Variants in NEK1 observed in about 807,000 individuals in gnomAD.
NEK1 encodes the protein serine/threonine-protein kinase Nek1.
A neutral mutation model predicts 182.1 loss-of-function variants in NEK1; 137 were observed. The ratio of observed to expected loss-of-function variants is 0.75; its 90% confidence interval spans 0.65 to 0.87. NEK1 has a LOEUF of 0.87. Ranked by LOEUF, NEK1 falls within the 40% of genes least tolerant of loss-of-function variation. The pLI, the probability that NEK1 is intolerant of heterozygous loss-of-function variation, is 0.00. For synonymous variants in NEK1, 513 were observed against 492.2 expected (o/e 1.04, Z -0.56); for missense variants, 1,391 against 1,494.4 (o/e 0.93, Z 1.14).
At chr4:169,568,717 T>G (rs191747612) in intron 12 of NEK1, among the ~76,000 whole-genome samples, 1 of 151,988 alleles carries the variant, frequency 6.6e-6, no homozygotes, top group Non-Finnish European at 1.5e-5. Flanking sequence ...GGTGGATCAC[T>G]TGAGGTCAGG....
At chr4:169,465,791 T>C (rs1190644232) in intron 26 of NEK1, among the ~76,000 whole-genome samples, 1 of 152,106 alleles carries the variant, frequency 6.6e-6, no homozygotes. Flanking sequence ...TAATATAGAT[T>C]GCTGCTTTGT....
intron 27 of NEK1, among the ~76,000 whole-genome samples, chr4:169,457,638 G>C (rs1743144347): frequency 7.0e-6 from 1 of 142,302 alleles, no homozygotes; most frequent in Non-Finnish European, 1.5e-5. Context: ...AAGGGAGAAA[G>C]AGAGAAAGTG....
intron 27 of NEK1, among the ~76,000 whole-genome samples, chr4:169,450,483 G>A (rs976889830): frequency 6.6e-6 from 1 of 152,122 alleles, no homozygotes; most frequent in Non-Finnish European, 1.5e-5. Flanking sequence ...CAGATCTCTC[G>A]GCAGAAATCC....
chr4:169,554,417 C>CAAA, intron 18 of NEK1: 1 of 67,396 alleles, frequency 1.5e-5, no homozygotes, highest in East Asian at 4.1e-4. Context: ...GAACCTGTCT[C>CAAA]AAAAAAAAAA....
chr4:169,449,908 A>G (rs1741366791), intron 27 of NEK1, among the ~76,000 whole-genome samples: 1 of 152,218 alleles, frequency 6.6e-6, no homozygotes, highest in Non-Finnish European at 1.5e-5. Context: ...TTGAACTCAT[A>G]GCAAGGAAGC....
chr4:169,596,117 C>T (rs1270731517), intron 5 of NEK1, among the ~76,000 whole-genome samples: 1 of 151,968 alleles, frequency 6.6e-6, no homozygotes, highest in Non-Finnish European at 1.5e-5. Flanking sequence ...ATAGGTACTA[C>T]AGGTGAAATT....
Position 169,577,042 on chromosome 4 carries a change from A to G in NEK1, c.906T>C (p.Val302=). Residue 302 remains valine, a synonymous_variant, in exon 12 of 36, where the codon GTT becomes GTC. Coordinates refer to ENST00000507142, the MANE Select transcript of NEK1 (RefSeq NM_001199397.3). ...GCTTTGTAATTTTCTGAGCAGGCAT[A>G]ACAGAAATCGAGTTTTGTCCTGAAG... is the stretch of plus-strand genomic sequence containing the variant. ...RPASGQNSIS[V]MPAQKITKPA... is the part of the protein sequence containing the mutation. 1 of 1,613,718 alleles carries G rather than the reference A, an allele frequency of 6.2e-7. No homozygotes were observed.
At chr4:169,551,409 TGAA>T (rs1185773081) in intron 18 of NEK1, among the ~76,000 whole-genome samples, 1 of 151,970 alleles carries the variant, frequency 6.6e-6, no homozygotes, top group Non-Finnish European at 1.5e-5. Context: ...TAATAAAAAA[TGAA>T]GAATAAAATG....
chr4:169,498,000 TG>T (rs1187965231), intron 23 of NEK1, among the ~76,000 whole-genome samples: 4 of 152,230 alleles, frequency 2.6e-5, no homozygotes, highest in Admixed American at 6.5e-5. Flanking sequence ...ACGTTGACAA[TG>T]GGGTGTTAAA....
chr4:169,570,007 G>A (rs1764434810), intron 12 of NEK1, among the ~76,000 whole-genome samples: 1 of 151,274 alleles, frequency 6.6e-6, no homozygotes, highest in African/African-American at 2.4e-5. Flanking sequence ...GGAAAGTGAG[G>A]AGCGGCTCTG....
chr4:169,602,858 C>CA (rs1395226054), intron 2 of NEK1, among the ~76,000 whole-genome samples, 180 bp from the exon 3 acceptor site: 2 of 151,678 alleles, frequency 1.3e-5, no homozygotes, highest in Non-Finnish European at 2.9e-5. Flanking sequence ...TAATTACATC[C>CA]AAAAAAGAGA....
chr4:169,492,244 C>A (rs1280724273), intron 23 of NEK1, among the ~76,000 whole-genome samples: 2 of 152,188 alleles, frequency 1.3e-5, no homozygotes, highest in Non-Finnish European at 2.9e-5. Context: ...TGACTACGGA[C>A]ATCTCATGCC....
chr4:169,572,613 G>C (rs751112585), intron 12 of NEK1, among the ~76,000 whole-genome samples: 11 of 152,150 alleles, frequency 7.2e-5, no homozygotes, highest in Non-Finnish European at 1.6e-4. Context: ...TGAGGCCTGA[G>C]ACCTTGAGCA....
chr4:169,439,383 A>G (rs951658742), intron 27 of NEK1, among the ~76,000 whole-genome samples: 2 of 152,242 alleles, frequency 1.3e-5, no homozygotes, highest in Non-Finnish European at 2.9e-5. Context: ...TCAAGTATTT[A>G]TAAGTTGTTT....
At chr4:169,577,550 G>C (rs1025563173) in intron 11 of NEK1, among the ~76,000 whole-genome samples, 1 of 151,916 alleles carries the variant, frequency 6.6e-6, no homozygotes, top group Non-Finnish European at 1.5e-5. Flanking sequence ...GGTGGATCAC[G>C]AGGTCAGGAG....
chr4:169,470,994 T>C (rs1349948243), intron 26 of NEK1, among the ~76,000 whole-genome samples: 1 of 152,216 alleles, frequency 6.6e-6, no homozygotes, highest in Non-Finnish European at 1.5e-5. Context: ...GTTGTTCTCA[T>C]AACTGGTTAT....
intron 18 of NEK1, among the ~76,000 whole-genome samples, chr4:169,545,478 C>CTT: frequency 6.7e-6 from 1 of 149,722 alleles, no homozygotes; most frequent in Non-Finnish European, 1.5e-5. Context: ...GGTTCCAAGT[C>CTT]TTTGCTATTG....
intron 19 of NEK1, among the ~76,000 whole-genome samples, chr4:169,522,742 G>A (rs977109612): frequency 2.4e-4 from 37 of 152,220 alleles, no homozygotes; most frequent in African/African-American, 7.5e-4. Flanking sequence ...GGGATAGCCT[G>A]AGGCTTCACC....
intron 27 of NEK1, among the ~76,000 whole-genome samples, chr4:169,440,559 A>AG (rs1269015714): frequency 1.3e-5 from 2 of 152,206 alleles, no homozygotes; most frequent in Non-Finnish European, 2.9e-5. Context: ...TAACACATTG[A>AG]ATAGAGCATC....
Sources: allele counts gnomAD v4.1 joint callset (sites outside exome capture counted in the v4.1 genomes callset), GRCh38; gene constraint gnomAD v4.1.1; transcripts MANE v1.5; gene names NCBI Gene and HGNC (gene_info 2026-07-23, HGNC 2026-07-21).